Variants in NUFIP1 observed in about 807,000 individuals in gnomAD.
The protein encoded by NUFIP1 is FMR1-interacting protein NUFIP1.
NUFIP1 carries 38 observed loss-of-function variants against 56.2 expected under a neutral mutation model. The observed-to-expected ratio is 0.68, with a 90% CI of 0.52 to 0.89. The LOEUF (loss-of-function observed/expected upper bound fraction) is 0.89. Among genes scored for constraint, NUFIP1 ranks in the 40% least tolerant of loss-of-function variants. The probability of loss-of-function intolerance (pLI) is 0.00; values close to 1 mark genes in which losing one functional copy is unlikely to be tolerated. For synonymous variants in NUFIP1, 215 were observed against 212.4 expected (o/e 1.01, Z -0.10); for missense variants, 567 against 605.8 (o/e 0.94, Z 0.67).
At chr13:44,972,999 A>G (rs986884267) in intron 5 of NUFIP1, among the ~76,000 whole-genome samples, 1 of 152,216 alleles carries the variant, frequency 6.6e-6, no homozygotes, top group Non-Finnish European at 1.5e-5. Flanking sequence ...CATATATTCA[A>G]AGGTTGCTGA....
intron 9 of NUFIP1, 29 bp from the exon 10 acceptor site, chr13:44,941,351 T>C: frequency 3.0e-6 from 4 of 1,336,676 alleles, no homozygotes; most frequent in Non-Finnish European, 4.3e-6. Flanking sequence ...AAAGATGAGG[T>C]AGTAAATAAA....
At chr13:44,950,538 G>A (rs542727643) in intron 7 of NUFIP1, among the ~76,000 whole-genome samples, 34 of 152,078 alleles carry the variant, frequency 2.2e-4, no homozygotes, top group Admixed American at 6.6e-4. Flanking sequence ...GTAGAGATGC[G>A]GATTCACCAT....
intron 1 of NUFIP1, among the ~76,000 whole-genome samples, chr13:44,988,203 G>C (rs1271028799): frequency 6.6e-6 from 1 of 152,206 alleles, no homozygotes; most frequent in Non-Finnish European, 1.5e-5. Flanking sequence ...GCGGATGCCT[G>C]AGCTCAGGAG....
At chr13:44,988,088 A>G (rs1391446741) in intron 1 of NUFIP1, among the ~76,000 whole-genome samples, 2 of 152,210 alleles carry the variant, frequency 1.3e-5, no homozygotes, top group African/African-American at 2.4e-5. Context: ...GTCTTCGCTC[A>G]TATGTCACCT....
chr13:44,949,497 G>A (rs575333810), intron 8 of NUFIP1, among the ~76,000 whole-genome samples: 13 of 152,110 alleles, frequency 8.5e-5, no homozygotes, highest in African/African-American at 2.4e-4. Context: ...CACCGCGCCC[G>A]GCCTATATTG....
intron 7 of NUFIP1, among the ~76,000 whole-genome samples, chr13:44,954,129 A>C (rs867582229): frequency 6.6e-6 from 1 of 152,234 alleles, no homozygotes; most frequent in South Asian, 2.1e-4. Context: ...TGACAAAATA[A>C]TACTCAAGAA....
chr13:44,983,647 A>C (rs1361800835), intron 1 of NUFIP1, among the ~76,000 whole-genome samples: 2 of 152,162 alleles, frequency 1.3e-5, no homozygotes, highest in African/African-American at 4.8e-5. Context: ...AAATACAAAA[A>C]TTAGCCAAGC....
chr13:44,942,031 C>T (rs1460920731), intron 9 of NUFIP1, among the ~76,000 whole-genome samples: 1 of 152,028 alleles, frequency 6.6e-6, no homozygotes, highest in Non-Finnish European at 1.5e-5. Flanking sequence ...CCTCAGCCTC[C>T]CGAGTAGCTG....
intron 1 of NUFIP1, among the ~76,000 whole-genome samples, chr13:44,985,384 CT>C (rs1872347072): frequency 6.6e-6 from 1 of 152,148 alleles, no homozygotes; most frequent in Non-Finnish European, 1.5e-5. Context: ...TATATCCTAT[CT>C]TTCAGTAAAT....
intron 1 of NUFIP1, among the ~76,000 whole-genome samples, chr13:44,986,647 G>C (rs946664524): frequency 6.8e-5 from 10 of 146,422 alleles, no homozygotes; most frequent in African/African-American, 2.5e-4. Flanking sequence ...AGCCAAGATC[G>C]AGCCACTGCA....
chr13:44,965,616 C>A (rs1871570687), intron 6 of NUFIP1, among the ~76,000 whole-genome samples: 1 of 152,172 alleles, frequency 6.6e-6, no homozygotes, highest in South Asian at 2.1e-4. Flanking sequence ...ATGGCACAAA[C>A]CTGGGAGGTG....
At chr13:44,980,644 G>A (rs1444357015) in intron 3 of NUFIP1, 78 bp downstream of exon 3, 2 of 973,460 alleles carry the variant, frequency 2.1e-6, no homozygotes, top group Non-Finnish European at 3.1e-6. Context: ...AGGAAAACAA[G>A]CTTGGCATTT....
At chr13:44,959,648 G>A in intron 6 of NUFIP1, 74 bp from the exon 7 acceptor site, 1 of 1,231,434 alleles carries the variant, frequency 8.1e-7, no homozygotes, top group Non-Finnish European at 1.1e-6. Flanking sequence ...AAGACTACTA[G>A]ATACAAAAGA....
At chr13:44,948,323 G>A (rs1387465234) in intron 8 of NUFIP1, among the ~76,000 whole-genome samples, 2 of 151,970 alleles carry the variant, frequency 1.3e-5, no homozygotes, top group East Asian at 3.9e-4. Flanking sequence ...TGTATTTTTT[G>A]TAGAGATGGG....
intron 9 of NUFIP1, among the ~76,000 whole-genome samples, chr13:44,942,053 A>G (rs1169761934): frequency 6.6e-6 from 1 of 151,986 alleles, no homozygotes; most frequent in African/African-American, 2.4e-5. Flanking sequence ...GATTACAGGC[A>G]TGCTCCACCA....
chr13:44,955,217 GC>G (rs1353860478), intron 7 of NUFIP1, among the ~76,000 whole-genome samples: 1 of 152,226 alleles, frequency 6.6e-6, no homozygotes, highest in African/African-American at 2.4e-5. Context: ...AAAAAAATAT[GC>G]TAGTAAGGAA....
At chr13:44,946,978 C>T (rs1287166668) in intron 8 of NUFIP1, among the ~76,000 whole-genome samples, 1 of 152,102 alleles carries the variant, frequency 6.6e-6, no homozygotes, top group Non-Finnish European at 1.5e-5. Flanking sequence ...GAATGTGAAG[C>T]AAGGGTTTTT....
At chr13:44,966,768 G>A (rs762694565) in intron 5 of NUFIP1, among the ~76,000 whole-genome samples, 6 of 151,804 alleles carry the variant, frequency 4.0e-5, no homozygotes, top group Non-Finnish European at 8.8e-5. Flanking sequence ...GAGGTCAGGA[G>A]TTCGAGACCA....
intron 6 of NUFIP1, among the ~76,000 whole-genome samples, chr13:44,960,269 G>T (rs1454360519): frequency 6.7e-6 from 1 of 150,280 alleles, no homozygotes; most frequent in African/African-American, 2.4e-5. Flanking sequence ...GTTCACTCTT[G>T]TCTACTCATT....
Sources: gnomAD v4.1 joint callset for allele counts (sites outside exome capture counted in the v4.1 genomes callset) on GRCh38, gnomAD v4.1.1 for gene constraint, MANE v1.5 for transcripts, NCBI Gene and HGNC (gene_info 2026-07-23, HGNC 2026-07-21) for gene names.